Variants in DMD observed in about 807,000 individuals in gnomAD.
DMD encodes the protein dystrophin, also known as mutant dystrophin.
Under a neutral mutation model 330.1 loss-of-function variants are expected in DMD, and 63 were observed. The observed-to-expected ratio is 0.19, with a 90% confidence interval of 0.16 to 0.24. DMD has a LOEUF of 0.24. Ranked by LOEUF, DMD falls within the 10% of genes least tolerant of loss-of-function variation. The pLI, the probability that DMD is intolerant of heterozygous loss-of-function variation, is 1.00. For synonymous variants in DMD, 1,223 were observed against 959.8 expected, an observed-to-expected ratio of 1.27 and a Z score of -5.07; for missense variants, 3,344 against 2,684.1, an observed-to-expected ratio of 1.25 and a Z score of -5.43.
intron 7 of DMD, among the ~76,000 whole-genome samples, chrX:32,725,363 T>C (rs2066753619): frequency 9.0e-6 from 1 of 110,982 alleles, no homozygotes; most frequent in African/African-American, 3.3e-5. Context: ...CATGTGTTTA[T>C]ATACATGCTA....
chrX:32,410,779 G>C (rs2098138448), intron 30 of DMD, among the ~76,000 whole-genome samples: 1 of 112,160 alleles, frequency 8.9e-6, no homozygotes, highest in African/African-American at 3.2e-5. Flanking sequence ...ATTAAAAAAT[G>C]AGAACAGCAT....
chrX:32,691,552 C>T (rs1256914837), intron 9 of DMD, among the ~76,000 whole-genome samples: 3 of 110,889 alleles, frequency 2.7e-5, no homozygotes, highest in Non-Finnish European at 3.8e-5. Context: ...TATTGTACAC[C>T]GTTGGTGAAG....
chrX:31,823,479 C>A (rs1207337911), intron 49 of DMD, among the ~76,000 whole-genome samples: 1 of 111,628 alleles, frequency 9.0e-6, no homozygotes, highest in Non-Finnish European at 1.9e-5. Context: ...TTCTTTTCCC[C>A]CAACTTGACT....
At chrX:32,013,550 C>T (rs780329378) in intron 44 of DMD, among the ~76,000 whole-genome samples, 1 of 112,007 alleles carries the variant, frequency 8.9e-6, no homozygotes, top group Admixed American at 9.5e-5. Flanking sequence ...TTGTATACCC[C>T]ACATGGCCTA....
intron 52 of DMD, among the ~76,000 whole-genome samples, chrX:31,707,367 T>C (rs1709094982): frequency 9.0e-6 from 1 of 111,083 alleles, no homozygotes; most frequent in South Asian, 3.8e-4. Flanking sequence ...AAATGAAAAG[T>C]TCTACCAAAT....
rs200306874 is a variant in DMD, at chrX:32,349,609, C to CA, written c.5326-1082dup. Among the ~76,000 whole-genome samples, 135 of 111,355 alleles carry CA rather than the reference C, an allele frequency of 1.2e-3. 2 individuals are homozygous for CA. In the East Asian group the frequency reaches 0.022, roughly 18 times the overall value. The stretch of plus-strand genomic sequence containing the variant: ...TTATTAGATGGCAACTTCTGGTGAA[C>CA]AATACGGATAAGTGTAGAAGAAAAA... On this transcript the variant is annotated intron_variant, in intron 37 of 78. Coordinates refer to ENST00000357033, the MANE Select transcript of DMD (RefSeq NM_004006.3).
At chrX:31,348,873 G>GT (rs1290400596) in intron 60 of DMD, among the ~76,000 whole-genome samples, 25 of 109,569 alleles carry the variant, frequency 2.3e-4, no homozygotes, top group South Asian at 3.9e-4. Flanking sequence ...TGAGATTTTG[G>GT]TTTTTTTTTA....
intron 63 of DMD, among the ~76,000 whole-genome samples, chrX:31,239,589 C>G (rs1273285925): frequency 9.0e-6 from 1 of 111,362 alleles, no homozygotes; most frequent in African/African-American, 3.3e-5. Context: ...GACTTCAAGT[C>G]TACTCATTCA....
At chrX:32,736,885 G>A (rs1016219608) in intron 7 of DMD, among the ~76,000 whole-genome samples, 2 of 109,805 alleles carry the variant, frequency 1.8e-5, no homozygotes, top group Admixed American at 9.7e-5. Flanking sequence ...CCTGCACAAT[G>A]TGCACATGTA....
intron 52 of DMD, among the ~76,000 whole-genome samples, chrX:31,726,839 T>C (rs999318168): frequency 8.9e-6 from 1 of 112,066 alleles, no homozygotes; most frequent in South Asian, 3.7e-4. Flanking sequence ...AAATGCTTTC[T>C]TGGACCATTT....
At chrX:33,240,312 C>T (rs1004775148) in intron 1 of DMD, among the ~76,000 whole-genome samples, 4 of 112,004 alleles carry the variant, frequency 3.6e-5, no homozygotes, top group African/African-American at 9.7e-5. Context: ...AGTAAGATAA[C>T]GTGGTATTTT....
intron 44 of DMD, among the ~76,000 whole-genome samples, chrX:32,171,410 G>A (rs59912353): frequency 0.15 from 16,465 of 110,845 alleles, 1,118 homozygotes; most frequent in Admixed American, 0.37. Context: ...TCAGCAATAC[G>A]TAAAGATATC....
At chrX:33,010,121 TGTGTATATATGTATATATAC>T (rs1488286028) in intron 2 of DMD, among the ~76,000 whole-genome samples, 1 of 97,175 alleles carries the variant, frequency 1.0e-5, no homozygotes, top group African/African-American at 4.1e-5. Flanking sequence ...TGTGCACATG[TGTGTATATATGTATATATAC>T]GTGTATATAT....
chrX:32,632,945 C>T (rs772513861), intron 11 of DMD, among the ~76,000 whole-genome samples: 1 of 112,389 alleles, frequency 8.9e-6, no homozygotes. Flanking sequence ...ACAAATTTTT[C>T]TAGCAAGTGG....
At chrX:32,916,055 C>T (rs2087772978) in intron 2 of DMD, among the ~76,000 whole-genome samples, 1 of 111,180 alleles carries the variant, frequency 9.0e-6, no homozygotes. Context: ...TTTACTTCTA[C>T]TTCTAGTATT....
At chrX:31,863,993 A>T (rs1442774765) in intron 48 of DMD, among the ~76,000 whole-genome samples, 1 of 111,146 alleles carries the variant, frequency 9.0e-6, no homozygotes. Context: ...ATGATGGTAG[A>T]CATTATATTG....
intron 30 of DMD, among the ~76,000 whole-genome samples, chrX:32,409,276 T>C (rs765520193): frequency 8.9e-6 from 1 of 111,826 alleles, no homozygotes; most frequent in South Asian, 3.7e-4. Context: ...ATAATGCAGG[T>C]GTGACCTGAA....
chrX:31,879,165 A>T (rs767828900), intron 47 of DMD, among the ~76,000 whole-genome samples: 1 of 99,560 alleles, frequency 1.0e-5, no homozygotes, highest in South Asian at 5.1e-4. Flanking sequence ...AGACTGGGTG[A>T]TTTATAAAGG....
At chrX:33,011,977 C>A (rs1190493729) in intron 2 of DMD, among the ~76,000 whole-genome samples, 2 of 111,331 alleles carry the variant, frequency 1.8e-5, no homozygotes, top group Middle Eastern at 4.7e-3. Flanking sequence ...ATCAATAATT[C>A]CAATTTTCTT....
Sources: allele counts gnomAD v4.1 joint callset (sites outside exome capture counted in the v4.1 genomes callset), GRCh38; gene constraint gnomAD v4.1.1; transcripts MANE v1.5; gene names NCBI Gene and HGNC (gene_info 2026-07-23, HGNC 2026-07-21).